CDK5RAP2: variants seen among roughly 807,000 people sequenced by gnomAD.
The protein encoded by CDK5RAP2 is CDK5 regulatory subunit associated protein 2.
Under a neutral mutation model 232.9 loss-of-function variants are expected in CDK5RAP2, and 147 were observed. The observed-to-expected ratio is 0.63, with a 90% confidence interval of 0.55 to 0.72. CDK5RAP2 has a LOEUF of 0.72. Ranked by LOEUF, CDK5RAP2 falls within the 30% of genes least tolerant of loss-of-function variation. The pLI is 0.00. For synonymous variants in CDK5RAP2, 833 were observed against 833.7 expected (o/e 1.00, Z 0.01); for missense variants, 2,195 against 2,231.5 (o/e 0.98, Z 0.33).
chr9:120,494,278 G>A (rs1311697873), intron 12 of CDK5RAP2, among the ~76,000 whole-genome samples: 1 of 152,130 alleles, frequency 6.6e-6, no homozygotes, highest in Non-Finnish European at 1.5e-5. Flanking sequence ...TAACACTCCA[G>A]TAGTAATGAG....
At chr9:120,568,437 A>G (rs770523393) in intron 2 of CDK5RAP2, 49 bp from the exon 3 acceptor site, 2 of 1,313,586 alleles carry the variant, frequency 1.5e-6, no homozygotes, top group Non-Finnish European at 1.1e-6. Context: ...CAAACTGCCC[A>G]GTGTTCCTAT....
intron 3 of CDK5RAP2, among the ~76,000 whole-genome samples, chr9:120,559,488 CA>C (rs558274119): frequency 0.18 from 8,829 of 48,910 alleles, 237 homozygotes; most frequent in African/African-American, 0.2. Context: ...GACTCTGTCT[CA>C]AAAAAAAAAA....
At chr9:120,511,777 G>A (rs543231871) in intron 12 of CDK5RAP2, among the ~76,000 whole-genome samples, 3 of 132,292 alleles carry the variant, frequency 2.3e-5, no homozygotes, top group South Asian at 4.6e-4. Context: ...TCGCTCTGTC[G>A]CCCAGGCTGG....
At chr9:120,541,749 A>G (rs1157449095) in intron 5 of CDK5RAP2, among the ~76,000 whole-genome samples, 1 of 152,218 alleles carries the variant, frequency 6.6e-6, no homozygotes, top group Non-Finnish European at 1.5e-5. Flanking sequence ...GACTGCCCAC[A>G]TAACTGATCA....
rs928839706 is a variant in CDK5RAP2 at position 120,477,423 on chromosome 9, C to A, written c.1654G>T (p.Glu552Ter). Residue 552 changes from glutamate to a stop codon, truncating the protein, a stop_gained, in exon 15 of 38, where the codon GAG (glutamate) becomes TAG (stop). Transcript: ENST00000349780. LOFTEE classifies it high-confidence loss of function. Reference protein sequence around the residue: ...KEKKQSSDYEELIQVLKKEQD... With the variant: ...KEKKQSSDYE ...TCTTTCTTTAAGACCTGAATCAGCT[C>A]TTCATAGTCTGATGATTGTTTCTTT... 3.1e-6 allele frequency: 5 copies of A among 1,613,442 alleles called. No homozygotes were observed. In the African/African-American group the frequency reaches 5.3e-5, roughly 17 times the overall value.
At chr9:120,567,788 T>C (rs890302531) in intron 3 of CDK5RAP2, among the ~76,000 whole-genome samples, 5 of 152,200 alleles carry the variant, frequency 3.3e-5, no homozygotes, top group Non-Finnish European at 7.3e-5. Context: ...GAAAGAATAA[T>C]GGCTTTGGAA....
At chr9:120,487,801 T>C (rs1300506135) in intron 13 of CDK5RAP2, among the ~76,000 whole-genome samples, 2 of 152,224 alleles carry the variant, frequency 1.3e-5, no homozygotes, top group Non-Finnish European at 2.9e-5. Flanking sequence ...CAGGGTGCGA[T>C]CTGCTTCCAG....
intron 36 of CDK5RAP2, chr9:120,390,080 G>C (rs2031793784): frequency 2.6e-6 from 1 of 377,724 alleles, no homozygotes; most frequent in Non-Finnish European, 5.0e-6. Flanking sequence ...CCCTACAGCT[G>C]TGCACGGCCA....
At chr9:120,574,948 C>G (rs1370267573) in intron 1 of CDK5RAP2, among the ~76,000 whole-genome samples, 1 of 151,840 alleles carries the variant, frequency 6.6e-6, no homozygotes, top group Non-Finnish European at 1.5e-5. Flanking sequence ...GACGCCTTCC[C>G]GGAGGTTGGG....
chr9:120,567,658 T>C (rs1325800180), intron 3 of CDK5RAP2, among the ~76,000 whole-genome samples: 1 of 152,132 alleles, frequency 6.6e-6, no homozygotes, highest in African/African-American at 2.4e-5. Flanking sequence ...TGAAGCCAAA[T>C]CCATCACCAA....
At chr9:120,453,391 A>G in intron 21 of CDK5RAP2, 65 bp downstream of exon 21, 1 of 1,440,012 alleles carries the variant, frequency 6.9e-7, no homozygotes, top group Non-Finnish European at 9.5e-7. Context: ...GTGAGATTAA[A>G]GGTGATTTTT....
chr9:120,422,771 G>C (rs1320371767), intron 25 of CDK5RAP2, 30 bp from the exon 26 acceptor site: 17 of 1,587,372 alleles, frequency 1.1e-5, no homozygotes, highest in African/African-American at 1.3e-5. Flanking sequence ...CAAGAAAGGA[G>C]GAGAAAAAAA....
At chr9:120,485,346 G>A in intron 14 of CDK5RAP2, among the ~76,000 whole-genome samples, 1 of 146,040 alleles carries the variant, frequency 6.8e-6, no homozygotes, top group Non-Finnish European at 1.5e-5. Context: ...CCAGGCTGGA[G>A]TGCAGTGGCA....
intron 20 of CDK5RAP2, 26 bp from the exon 21 acceptor site, chr9:120,453,899 G>A: frequency 1.2e-6 from 2 of 1,612,736 alleles, no homozygotes; most frequent in Non-Finnish European, 8.5e-7. Flanking sequence ...GGAAGGAAGT[G>A]GGAGAACCAA....
intron 27 of CDK5RAP2, 101 bp from the exon 28 acceptor site, chr9:120,415,260 T>C (rs750699743): frequency 3.7e-6 from 5 of 1,367,884 alleles, no homozygotes; most frequent in African/African-American, 2.9e-5. Context: ...CAGTATTGGA[T>C]GTGTTAAGAT....
chr9:120,450,963 C>T (rs1032698555), intron 21 of CDK5RAP2, among the ~76,000 whole-genome samples: 1 of 152,180 alleles, frequency 6.6e-6, no homozygotes, highest in Non-Finnish European at 1.5e-5. Context: ...AAGGAGACCA[C>T]GTGGGAGGAG....
intron 7 of CDK5RAP2, 125 bp downstream of exon 7, chr9:120,536,247 A>G: frequency 1.0e-6 from 1 of 982,440 alleles, no homozygotes; most frequent in Non-Finnish European, 1.6e-6. Context: ...TGTTCCCATT[A>G]GTCACTCAAG....
chr9:120,534,298 A>G (rs2041291393), intron 7 of CDK5RAP2, among the ~76,000 whole-genome samples: 1 of 151,582 alleles, frequency 6.6e-6, no homozygotes, highest in Non-Finnish European at 1.5e-5. Flanking sequence ...CTGGACTTCC[A>G]CTCGCACTGT....
chr9:120,572,595 T>C (rs1207731348), intron 1 of CDK5RAP2, among the ~76,000 whole-genome samples: 1 of 152,182 alleles, frequency 6.6e-6, no homozygotes, highest in Non-Finnish European at 1.5e-5. Context: ...CTTGGTTGAA[T>C]TACATAAATA....
Sources: gnomAD v4.1 joint callset for allele counts (sites outside exome capture counted in the v4.1 genomes callset) on GRCh38, gnomAD v4.1.1 for gene constraint, MANE v1.5 for transcripts, NCBI Gene and HGNC (gene_info 2026-07-23, HGNC 2026-07-21) for gene names.